Variants in PCNX2 observed in about 807,000 individuals in gnomAD.
PCNX2 encodes the protein pecanex 2, also known as pecanex-like protein 2.
PCNX2 carries 168 observed loss-of-function variants against 223.8 expected under a neutral mutation model. That is an observed-to-expected ratio of 0.75 (90% confidence interval 0.66 to 0.85). The LOEUF (loss-of-function observed/expected upper bound fraction) is 0.85, where lower values mean the gene tolerates loss of function less well. Among genes scored for constraint, PCNX2 ranks in the 40% least tolerant of loss-of-function variants. The pLI, the probability that PCNX2 is intolerant of heterozygous loss-of-function variation, is 0.00. For synonymous variants in PCNX2, 1,006 were observed against 1,052.6 expected, an observed-to-expected ratio of 0.96 and a Z score of 0.86; for missense variants, 2,507 against 2,675.5, an observed-to-expected ratio of 0.94 and a Z score of 1.39.
chr1:233,162,677 G>A (rs1250324652), intron 17 of PCNX2, among the ~76,000 whole-genome samples: 1 of 152,144 alleles, frequency 6.6e-6, no homozygotes, highest in Non-Finnish European at 1.5e-5. Context: ...GTTTAAGAAA[G>A]ACCAGACCTT....
intron 15 of PCNX2, 148 bp from the exon 16 acceptor site, chr1:233,179,323 G>A: frequency 1.2e-6 from 1 of 808,924 alleles, no homozygotes; most frequent in Non-Finnish European, 1.9e-6. Context: ...ATAAGCATCT[G>A]GTGGGCACAC....
intron 12 of PCNX2, among the ~76,000 whole-genome samples, chr1:233,217,109 G>A (rs1196463240): frequency 6.6e-6 from 1 of 152,228 alleles, no homozygotes; most frequent in East Asian, 1.9e-4. Context: ...GTTTCAGCTG[G>A]ACAGGAGGAA....
At chr1:233,066,960 C>T (rs1672636175) in intron 23 of PCNX2, among the ~76,000 whole-genome samples, 1 of 151,986 alleles carries the variant, frequency 6.6e-6, no homozygotes, top group African/African-American at 2.4e-5. Flanking sequence ...AATCTGAACT[C>T]CCACCCCCTA....
intron 12 of PCNX2, among the ~76,000 whole-genome samples, chr1:233,216,600 A>T (rs956504615): frequency 8.5e-5 from 13 of 152,244 alleles, no homozygotes; most frequent in Non-Finnish European, 1.5e-4. Flanking sequence ...TAGGGGGTAC[A>T]GAAATCGGTA....
At chr1:233,091,018 T>G (rs1673845597) in intron 22 of PCNX2, among the ~76,000 whole-genome samples, 1 of 152,184 alleles carries the variant, frequency 6.6e-6, no homozygotes, top group African/African-American at 2.4e-5. Context: ...CACTGAAGAC[T>G]CCTAGCTGCC....
intron 19 of PCNX2, among the ~76,000 whole-genome samples, chr1:233,156,633 G>A (rs567151280): frequency 2.0e-4 from 30 of 152,188 alleles, no homozygotes; most frequent in Non-Finnish European, 4.0e-4. Flanking sequence ...TTAAACAGAC[G>A]TGGGCTGGGC....
chr1:233,219,470 G>A (rs527723075), intron 10 of PCNX2, among the ~76,000 whole-genome samples: 1 of 152,182 alleles, frequency 6.6e-6, no homozygotes. Flanking sequence ...AGGGGCCTGG[G>A]TGTTTGGGTG....
Position 232,986,314 on chromosome 1 carries a change from G to T in PCNX2, c.6018C>A (p.His2006Gln). The T allele has an allele frequency of 6.3e-7, 1 of 1,583,978 alleles. No individual in the cohort carries two copies. Among genetic ancestry groups the T allele is most frequent in the South Asian group, 1.2e-5 (1 of 86,644 alleles). Residue 2006 changes from histidine (H) to glutamine (Q), a missense_variant, in exon 33 of 34, where the codon CAC becomes CAA. By Grantham distance (24) the His-to-Gln change is conservative. Transcript: ENST00000258229. ...CCTCGGCCCGCTCACGGACACTCAG[G>T]TGGCCGGTGGTGGTGACGGGCGGGG... ...SQPPPVTTTGHLSVRERAEAL... is the reference protein window; with the variant it reads ...SQPPPVTTTGQLSVRERAEAL...
At chr1:233,159,738 A>G (rs189298433) in intron 19 of PCNX2, among the ~76,000 whole-genome samples, 44 of 152,366 alleles carry the variant, frequency 2.9e-4, no homozygotes, top group African/African-American at 1.0e-3. Context: ...AGGCTATTAC[A>G]TGATCATGGC....
At chr1:233,166,579 C>T (rs910571919) in intron 17 of PCNX2, among the ~76,000 whole-genome samples, 13 of 152,220 alleles carry the variant, frequency 8.5e-5, no homozygotes, top group African/African-American at 2.6e-4. Context: ...TCTGAACAGA[C>T]GCTTCACTGA....
chr1:233,214,328 G>T (rs1223023321), intron 12 of PCNX2, among the ~76,000 whole-genome samples: 2 of 151,764 alleles, frequency 1.3e-5, no homozygotes, highest in Non-Finnish European at 2.9e-5. Context: ...ACCTATGATT[G>T]AGAGAAGTAA....
At position 232,990,107 on chromosome 1, in the gene PCNX2, A is replaced by G. The variant is rs917250264; in HGVS notation, c.5792-3567T>C. Among the ~76,000 whole-genome samples, 1 of 152,158 alleles carries G rather than the reference A, an allele frequency of 6.6e-6. No homozygotes were observed. The highest frequency in any genetic ancestry group is 1.9e-4 in the East Asian group (1 of 5,176). On this transcript the variant is annotated intron_variant, in intron 32 of 33. Coordinates refer to ENST00000258229, the MANE Select transcript of PCNX2 (RefSeq NM_014801.4). The surrounding 1 kb of genome is among the most constrained non-coding windows in gnomAD (Gnocchi z 4.3). Reference sequence around the variant, plus strand: ...ATGGTTGTTTTACTTAACTAGAAGGAGGGTGAGAAGGAGGCCAGAGACTGA... The same window carrying G: ...ATGGTTGTTTTACTTAACTAGAAGGGGGGTGAGAAGGAGGCCAGAGACTGA...
At chr1:233,235,453 T>C (rs1658327334) in intron 9 of PCNX2, among the ~76,000 whole-genome samples, 2 of 152,012 alleles carry the variant, frequency 1.3e-5, no homozygotes, top group South Asian at 2.1e-4. Flanking sequence ...ATCTGGCAAC[T>C]GGCACTTTTA....
intron 23 of PCNX2, among the ~76,000 whole-genome samples, chr1:233,082,617 T>C (rs1241217007): frequency 6.6e-6 from 1 of 152,206 alleles, no homozygotes; most frequent in Non-Finnish European, 1.5e-5. Flanking sequence ...CATTGTACTA[T>C]TAACCCATAA....
intron 18 of PCNX2, 108 bp from the exon 19 acceptor site, chr1:233,160,541 G>T: frequency 3.2e-6 from 4 of 1,237,920 alleles, no homozygotes; most frequent in Non-Finnish European, 4.5e-6. Context: ...CCTCTTAACG[G>T]ATAGCCAGAC....
Position 233,130,282 on chromosome 1 carries a change from A to G in PCNX2, c.3837+4731T>C, listed in dbSNP as rs574062974. Among the ~76,000 whole-genome samples the G allele has an allele frequency of 3.9e-4, 60 of 152,064 alleles. 1 individual carries two copies. The highest frequency in any genetic ancestry group is 1.4e-3 in the African/African-American group (59 of 41,498). ...AATCAGTGAGACCAAGAACCCACCA[A>G]TTCCGGACACACTCCTACCCCCTCA... is the stretch of plus-strand genomic sequence containing the variant. On this transcript the variant is annotated intron_variant, in intron 21 of 33. Transcript: ENST00000258229.
chr1:233,011,966 C>T (rs1670483937), intron 28 of PCNX2, among the ~76,000 whole-genome samples: 1 of 152,122 alleles, frequency 6.6e-6, no homozygotes, highest in Admixed American at 6.5e-5. Context: ...GTTCAGGTGG[C>T]CCAGACTTGT....
At chr1:233,244,853 G>A (rs1659006868) in intron 8 of PCNX2, among the ~76,000 whole-genome samples, 1 of 152,204 alleles carries the variant, frequency 6.6e-6, no homozygotes, top group South Asian at 2.1e-4. Flanking sequence ...TATAAAAGGA[G>A]AAGATCACAT....
At chr1:233,227,202 G>A in intron 10 of PCNX2, 24 bp downstream of exon 10, 3 of 1,602,006 alleles carry the variant, frequency 1.9e-6, no homozygotes, top group South Asian at 2.2e-5. Flanking sequence ...TTCCGACAGT[G>A]TGTGTGCATG....
Sources: allele counts gnomAD v4.1 joint callset (sites outside exome capture counted in the v4.1 genomes callset), GRCh38; gene constraint gnomAD v4.1.1; non-coding constraint Gnocchi (gnomAD v3.1); transcripts MANE v1.5; gene names NCBI Gene and HGNC (gene_info 2026-07-23, HGNC 2026-07-21).